The following ADGRE5 variants were observed in gnomAD, a reference collection of about 807,000 sequenced individuals.
ADGRE5 encodes adhesion G protein-coupled receptor E5.
Under a neutral mutation model 100.3 loss-of-function variants are expected in ADGRE5, and 72 were observed. The observed-to-expected ratio is 0.72, with a 90% CI of 0.59 to 0.87. ADGRE5 has a LOEUF of 0.87. ADGRE5 is among the 40% of genes least tolerant of loss of function. The pLI, the probability that ADGRE5 is intolerant of heterozygous loss-of-function variation, is 0.00. For missense variants in ADGRE5, 959 were observed against 1,094.7 expected (o/e 0.88, Z 1.75); for synonymous variants, 439 against 447.8 (o/e 0.98, Z 0.25).
chr19:14,390,377 GC>G, intron 3 of ADGRE5, among the ~76,000 whole-genome samples: 1 of 149,538 alleles, frequency 6.7e-6, no homozygotes, highest in Non-Finnish European at 1.5e-5. Context: ...AGGCTGGAGT[GC>G]AGTGACCCGA....
At chr19:14,390,327 CTTT>C (rs1194246206) in intron 3 of ADGRE5, among the ~76,000 whole-genome samples, 3 of 137,824 alleles carry the variant, frequency 2.2e-5, no homozygotes, top group Non-Finnish European at 3.2e-5. Flanking sequence ...TTTTTTTTTC[CTTT>C]TTTTTTTTTT....
At position 14,408,249 on chromosome 19, in the gene ADGRE5, C is replaced by G. The variant is rs1415885786; in HGVS notation, c.*128C>G. ...CTCCCTCCCTGATCCCGTGTGCCACCAGGAGGGAGTGGCAGCTATAGTCTG... is the reference window on the plus strand; with the variant it reads ...CTCCCTCCCTGATCCCGTGTGCCACGAGGAGGGAGTGGCAGCTATAGTCTG... On this transcript the variant is annotated 3_prime_UTR_variant, in exon 20 of 20. Coordinates refer to ENST00000242786, the MANE Select transcript of ADGRE5 (RefSeq NM_078481.4). The G allele has an allele frequency of 3.7e-6, 4 of 1,083,092 alleles. No homozygotes were observed. The East Asian group carries it at 1.0e-4, about 28-fold the overall frequency. 67.1% of individuals were successfully genotyped at this position (1,083,092 alleles called of 1,614,324 possible).
rs878947528 is a variant in ADGRE5 at position 14,408,256 on chromosome 19, G to A, written c.*135G>A. On this transcript the variant is annotated 3_prime_UTR_variant, in exon 20 of 20. Coordinates refer to ENST00000242786, the MANE Select transcript of ADGRE5 (RefSeq NM_078481.4). ...CCTGATCCCGTGTGCCACCAGGAGG[G>A]AGTGGCAGCTATAGTCTGGCACCAA... 3.0e-6 allele frequency: 3 copies of A among 1,012,386 alleles called. No homozygotes were observed. The highest frequency in any genetic ancestry group is 2.0e-5 in the Admixed American group (1 of 49,832). The allele number at this position is 1,012,386 out of a possible 1,614,324, so 62.7% of individuals were successfully genotyped here.
At position 14,402,769 on chromosome 19, in the gene ADGRE5, C is replaced by T; in HGVS notation, c.1356C>T (p.His452=). ...CCGTCAACTCCATCTTTCTGAGCCACAACAACACCAAGGAACTCAACTCCC... is the reference window on the plus strand; with the variant it reads ...CCGTCAACTCCATCTTTCTGAGCCATAACAACACCAAGGAACTCAACTCCC... ...LSAVNSIFLS[H]NNTKELNSPI... The change falls in exon 12 of 20, where the codon CAC becomes CAT. Residue 452 remains histidine, a synonymous_variant. Coordinates refer to ENST00000242786, the MANE Select transcript of ADGRE5 (RefSeq NM_078481.4). The T allele has an allele frequency of 6.2e-7, 1 of 1,614,108 alleles. No homozygotes were observed. The highest frequency in any genetic ancestry group is 8.5e-7 in the Non-Finnish European group (1 of 1,180,000).
chr19:14,383,971 AAC>A (rs1975246621), intron 1 of ADGRE5, among the ~76,000 whole-genome samples: 1 of 152,000 alleles, frequency 6.6e-6, no homozygotes, highest in African/African-American at 2.4e-5. Flanking sequence ...AATGGGCATC[AAC>A]ACAGCCCCTG....
intron 3 of ADGRE5, 139 bp downstream of exon 3, chr19:14,388,957 GCAGGCGTGGTGGCT>G (rs1259935539): frequency 8.9e-6 from 8 of 898,446 alleles, no homozygotes; most frequent in Non-Finnish European, 1.4e-5. Context: ...GAAAAAGAGG[GCAGGCGTGGTGGCT>G]CACGCCTGTA....
At position 14,407,103 on chromosome 19, in the gene ADGRE5, C is replaced by T. The variant is rs1338890078; in HGVS notation, c.2250C>T (p.Gly750=). The T allele has an allele frequency of 3.1e-6, 5 of 1,614,164 alleles. No individual in the cohort carries two copies. The East Asian group carries it at 6.7e-5, about 22-fold the overall frequency. ...CCATCGCGCAGCTCTTCCTGTTGGG[C>T]TGCACCTGGGTCTTTGGCCTGTTCA... The part of the protein sequence containing the change: ...ITAIAQLFLL[G]CTWVFGLFIF... The change falls in exon 18 of 20, where the codon GGC becomes GGT. Residue 750 remains glycine, a synonymous_variant. Transcript: ENST00000242786.
At chr19:14,386,332 T>A (rs1219987633) in intron 1 of ADGRE5, 3 of 117,580 alleles carry the variant, frequency 2.6e-5, no homozygotes, top group African/African-American at 1.0e-4. Context: ...TGAGCAGAGA[T>A]CACACCACTG....
intron 1 of ADGRE5, among the ~76,000 whole-genome samples, chr19:14,381,961 C>A (rs1349197692): frequency 3.3e-5 from 5 of 152,154 alleles, no homozygotes; most frequent in Non-Finnish European, 5.9e-5. Context: ...TTCTCCACTG[C>A]AAGGTACCCC....
At chr19:14,390,344 G>C (rs1288979969) in intron 3 of ADGRE5, among the ~76,000 whole-genome samples, 5 of 144,642 alleles carry the variant, frequency 3.5e-5, no homozygotes, top group Non-Finnish European at 1.5e-5. Context: ...TTTTTTTTGA[G>C]ACAGAGTCTC....
chr19:14,397,286 G>A (rs556980549), intron 6 of ADGRE5, 63 bp downstream of exon 6: 5 of 1,608,368 alleles, frequency 3.1e-6, no homozygotes, highest in Non-Finnish European at 4.3e-6. Flanking sequence ...GTTCAACGGC[G>A]CCCACACAAA....
At chr19:14,394,724 A>G (rs766806207) in intron 4 of ADGRE5, among the ~76,000 whole-genome samples, 1 of 152,036 alleles carries the variant, frequency 6.6e-6, no homozygotes, top group Non-Finnish European at 1.5e-5. Context: ...CCACACCTGG[A>G]ACCCCTCTGA....
chr19:14,393,894 C>T (rs763299707), intron 4 of ADGRE5, among the ~76,000 whole-genome samples: 1 of 152,146 alleles, frequency 6.6e-6, no homozygotes, highest in South Asian at 2.1e-4. Flanking sequence ...AAAAGATCCC[C>T]CTCTCCCGGT....
intron 9 of ADGRE5, among the ~76,000 whole-genome samples, chr19:14,398,751 CTG>C (rs1203039417): frequency 6.7e-6 from 1 of 149,860 alleles, no homozygotes; most frequent in Non-Finnish European, 1.5e-5. Context: ...ACTTCTTGCT[CTG>C]TGATCTAAGG....
At chr19:14,381,718 C>T (rs1204308324) in intron 1 of ADGRE5, among the ~76,000 whole-genome samples, 173 bp downstream of exon 1, 2 of 152,176 alleles carry the variant, frequency 1.3e-5, no homozygotes, top group African/African-American at 4.8e-5. Context: ...GGTGCTTGGG[C>T]ACCCCCACAC....
chr19:14,404,414 T>A lies in ADGRE5; in HGVS notation c.1481T>A (p.Leu494His). 6.2e-7 allele frequency: 1 copy of A among 1,611,682 alleles called. No individual in the cohort carries two copies. The highest frequency in any genetic ancestry group is 8.5e-7 in the Non-Finnish European group (1 of 1,179,722). The part of the protein sequence containing the change: ...DVMPGPRQEL[L>H]CAFWKSDSDR... ...ATGCCTGGGCCACGGCAGGAGCTGC[T>A]CTGTGCCTTCTGGAAGAGTGACAGC... Residue 494 changes from leucine to histidine, a missense_variant, in exon 13 of 20, where the codon CTC (leucine) becomes CAC (histidine). Leu to His is a moderately conservative substitution (Grantham distance 99). Around this residue, in one of 6 missense-constraint regions of ADGRE5, gnomAD observed 246 missense variants for 242.2 expected, o/e 1.02. Transcript: ENST00000242786.
chr19:14,394,313 G>C (rs1046053364), intron 4 of ADGRE5, among the ~76,000 whole-genome samples: 1 of 152,084 alleles, frequency 6.6e-6, no homozygotes, highest in African/African-American at 2.4e-5. Flanking sequence ...TTTAACCCAA[G>C]GCACTCCAGG....
rs923972119 is a variant in ADGRE5 at position 14,385,799 on chromosome 19, C to A, written c.23-2651C>A. 3.4e-5 allele frequency among the ~76,000 whole-genome samples: 5 copies of A among 148,206 alleles called. No individual in the cohort carries two copies. In the Admixed American group the frequency reaches 3.4e-4, roughly 10 times the overall value. The stretch of plus-strand genomic sequence containing the variant: ...TTTTTTTTTTTTTCTGAGACGGAGT[C>A]TTGCTCTGTCACTCAGGCTGGAGTG... On this transcript the variant is annotated intron_variant, in intron 1 of 19. Coordinates refer to ENST00000242786, the MANE Select transcript of ADGRE5 (RefSeq NM_078481.4).
chr19:14,382,335 C>T (rs986582095), intron 1 of ADGRE5, among the ~76,000 whole-genome samples: 4 of 152,302 alleles, frequency 2.6e-5, no homozygotes, highest in Non-Finnish European at 5.9e-5. Flanking sequence ...CAAGAGCCCA[C>T]CTTGGGTTTC....
Sources: allele counts gnomAD v4.1 joint callset (sites outside exome capture counted in the v4.1 genomes callset), GRCh38; gene constraint gnomAD v4.1.1; regional missense constraint gnomAD v4.1.1; transcripts MANE v1.5; gene names NCBI Gene and HGNC (gene_info 2026-07-23, HGNC 2026-07-21).